Variants in KIF18B observed in about 807,000 individuals in gnomAD.
KIF18B encodes kinesin family member 18B, also known as kinesin-like protein KIF18B.
Under a neutral mutation model 80.9 loss-of-function variants are expected in KIF18B, and 49 were observed. The observed-to-expected ratio is 0.61, with a 90% CI of 0.48 to 0.77. The LOEUF (loss-of-function observed/expected upper bound fraction) is 0.77, where lower values mean the gene tolerates loss of function less well. Ranked by LOEUF, KIF18B falls within the 30% of genes least tolerant of loss-of-function variation. The pLI is 0.00. For missense variants in KIF18B, 994 were observed against 1,127.7 expected (o/e 0.88, Z 1.70); for synonymous variants, 439 against 463.9 (o/e 0.95, Z 0.69).
rs114457550 is a variant in KIF18B, at chr17:44,946,698, C to G, written c.-15+930G>C. On this transcript the variant is annotated intron_variant, in intron 1 of 15. Transcript: ENST00000593135. ...ATCCCTTAAGTTCTGTGGCACAGAC[C>G]AGGCTTAATCTTTTCCATGTCACTT... Among the ~76,000 whole-genome samples the G allele has an allele frequency of 4.5e-3, 685 of 152,262 alleles. 5 individuals are homozygous for G. The highest frequency in any genetic ancestry group is 0.016 in the African/African-American group (653 of 41,530).
chr17:44,933,848 C>T, intron 7 of KIF18B, 75 bp downstream of exon 7: 1 of 1,375,740 alleles, frequency 7.3e-7, no homozygotes, highest in Admixed American at 2.3e-5. Context: ...TCTATTGGAG[C>T]TGCCTGGGTC....
Position 44,934,543 on chromosome 17 carries a change from G to A in KIF18B, c.651C>T (p.Ala217=). The A allele has an allele frequency of 6.2e-7, 1 of 1,612,992 alleles. No individual in the cohort carries two copies. The highest frequency in any genetic ancestry group is 2.2e-5 in the East Asian group (1 of 44,870). Reference sequence around the variant, plus strand: ...CATGGGAGCGGGAGGAAGTCGCGTTGGCATCAGTGGGGTGCTGCGTGCGGT... The same window carrying A: ...CATGGGAGCGGGAGGAAGTCGCGTTAGCATCAGTGGGGTGCTGCGTGCGGT... ...NRNRTQHPTD[A]NATSSRSHAI... Residue 217 remains alanine (A), a synonymous_variant, in exon 5 of 16, where the codon GCC becomes GCT. Coordinates refer to ENST00000593135, the MANE Select transcript of KIF18B (RefSeq NM_001265577.2). This position sits in a 1 kb window ranked among gnomAD's most constrained non-coding sequence, Gnocchi z 5.4.
chr17:44,939,366 C>CAAAAAAAAAAAAAAAAAAAAAA (rs781348504), intron 1 of KIF18B, among the ~76,000 whole-genome samples: 2 of 36,950 alleles, frequency 5.4e-5, no homozygotes, highest in Non-Finnish European at 9.6e-5. Flanking sequence ...GACTCCATCT[C>CAAAAAAAAAAAAAAAAAAAAAA]AAAAAAAAAA....
At chr17:44,941,307 T>G (rs896446268) in intron 1 of KIF18B, among the ~76,000 whole-genome samples, 4 of 152,100 alleles carry the variant, frequency 2.6e-5, no homozygotes, top group Admixed American at 6.6e-5. Flanking sequence ...TTCTACACTT[T>G]CAAATATATG....
chr17:44,929,250 G>A (rs185860819), intron 11 of KIF18B, among the ~76,000 whole-genome samples: 1 of 152,230 alleles, frequency 6.6e-6, no homozygotes, highest in East Asian at 1.9e-4. Context: ...GGATGGCCAC[G>A]GGTAATGGTG....
Position 44,926,982 on chromosome 17 carries a change from A to T in KIF18B, c.2366+7T>A. 6.2e-7 allele frequency: 1 copy of T among 1,604,250 alleles called. No homozygotes were observed. The highest frequency in any genetic ancestry group is 8.5e-7 in the Non-Finnish European group (1 of 1,175,326). ...CTCCCAGACAGCTGACACCTCCCAA[A>T]CCTCACCTCGCAACGCGCTTCTTCT... On this transcript the variant is annotated splice_region_variant and intron_variant, in intron 14 of 15. Transcript: ENST00000593135.
chr17:44,936,977 C>T (rs2052324988), intron 1 of KIF18B, among the ~76,000 whole-genome samples: 1 of 151,002 alleles, frequency 6.6e-6, no homozygotes, highest in South Asian at 2.1e-4. Flanking sequence ...TCTTACTGGG[C>T]TTTCTAGTAT....
At position 44,926,093 on chromosome 17, in the gene KIF18B, G is replaced by A; in HGVS notation, c.2546C>T (p.Thr849Ile). Reference protein sequence around the residue: ...GRALSAGNGVTKVS With the variant: ...GRALSAGNGVIKVS ...ACATTCTGGCGGTCAGGACACCTTG[G>A]TGACGCCGTTCCCTGCTGAGAGTGC... Residue 849 changes from threonine (T) to isoleucine (I), a missense_variant, in exon 16 of 16, where the codon ACC becomes ATC. Physicochemically the swap from Thr to Ile is moderately conservative, Grantham distance 89 (BLOSUM62 -1). Coordinates refer to ENST00000593135, the MANE Select transcript of KIF18B (RefSeq NM_001265577.2). 1 of 1,613,906 alleles carries A rather than the reference G, an allele frequency of 6.2e-7. No individual in the cohort carries two copies. The highest frequency in any genetic ancestry group is 1.6e-4 in the Middle Eastern group (1 of 6,062).
Position 44,927,120 on chromosome 17 carries a change from C to G in KIF18B, c.2277-42G>C. 1.3e-6 allele frequency: 2 copies of G among 1,499,992 alleles called. No individual in the cohort carries two copies. Among genetic ancestry groups the G allele is most frequent in the Non-Finnish European group, 1.8e-6 (2 of 1,102,990 alleles). The allele number at this position is 1,499,992 out of a possible 1,614,324, so 92.9% of individuals were successfully genotyped here. On this transcript the variant is annotated intron_variant, in intron 13 of 15. Transcript: ENST00000593135. The surrounding 1 kb of genome is among the most constrained non-coding windows in gnomAD (Gnocchi z 4.1). ...GGGAAGGAGGCTGATCAGCAGGGAA[C>G]CGGAAGCAAGGCCAGCCACTTCCTC...
At position 44,927,837 on chromosome 17, in the gene KIF18B, C is replaced by A. The variant is rs1196673115; in HGVS notation, c.2276+189G>T. ...GCAGCATGGACAGACCAGGCAGGGG[C>A]CCCAGGAGAAGTGACACCTCCCTGG... On this transcript the variant is annotated intron_variant, in intron 13 of 15. Transcript: ENST00000593135. This position sits in a 1 kb window ranked among gnomAD's most constrained non-coding sequence, Gnocchi z 4.1. Among the ~76,000 whole-genome samples the A allele has an allele frequency of 6.6e-6, 1 of 152,212 alleles. No homozygotes were observed. Among genetic ancestry groups the A allele is most frequent in the African/African-American group, 2.4e-5 (1 of 41,454 alleles).
intron 1 of KIF18B, among the ~76,000 whole-genome samples, chr17:44,942,296 G>A (rs1028743524): frequency 6.6e-6 from 1 of 152,212 alleles, no homozygotes; most frequent in African/African-American, 2.4e-5. Context: ...CTAACCCAGG[G>A]CAGCTCATTA....
In KIF18B at chr17:44,926,999, G is replaced by A. The variant is rs748523527; in HGVS notation, c.2356C>T (p.Arg786Cys). The change falls in exon 14 of 16, where the codon CGC becomes TGC. Residue 786 changes from arginine to cysteine, a missense_variant. Transcript: ENST00000593135. ...LPGTSACKKK[R>C]VASSSVSHGR... Reference sequence around the variant, plus strand: ...CCTCCCAAACCTCACCTCGCAACGCGCTTCTTCTTGCAGGCAGAGGTCCCA... The same window carrying A: ...CCTCCCAAACCTCACCTCGCAACGCACTTCTTCTTGCAGGCAGAGGTCCCA... 1.1e-5 allele frequency: 17 copies of A among 1,610,528 alleles called. No individual in the cohort carries two copies. Among genetic ancestry groups the A allele is most frequent in the East Asian group, 8.9e-5 (4 of 44,834 alleles).
At chr17:44,926,725 T>C (rs1290163619) in intron 14 of KIF18B, among the ~76,000 whole-genome samples, 1 of 151,956 alleles carries the variant, frequency 6.6e-6, no homozygotes, top group Non-Finnish European at 1.5e-5. Context: ...CTTTGCTGGA[T>C]TAATGGTGTG....
At position 44,935,307 on chromosome 17, in the gene KIF18B, C is replaced by T. The variant is rs1384649361; in HGVS notation, c.423G>A (p.Glu141=). 1 of 1,612,088 alleles carries T rather than the reference C, an allele frequency of 6.2e-7. No homozygotes were observed. Among genetic ancestry groups the T allele is most frequent in the Non-Finnish European group, 8.5e-7 (1 of 1,178,834 alleles). The part of the protein sequence containing the change: ...LTTVELYRRL[E]ARQQEKHFEV... ...CGAAGTGCTTCTCCTGCTGGCGGGCCTCCAGGCGCCTGTACAGTTCCACGG... is the reference window on the plus strand; with the variant it reads ...CGAAGTGCTTCTCCTGCTGGCGGGCTTCCAGGCGCCTGTACAGTTCCACGG... The change falls in exon 3 of 16, where the codon GAG becomes GAA. Residue 141 remains glutamate, a synonymous_variant. Coordinates refer to ENST00000593135, the MANE Select transcript of KIF18B (RefSeq NM_001265577.2).
chr17:44,941,782 G>A (rs1384193939), intron 1 of KIF18B, among the ~76,000 whole-genome samples: 1 of 152,096 alleles, frequency 6.6e-6, no homozygotes, highest in African/African-American at 2.4e-5. Context: ...CCATGGGGAG[G>A]GCTTTAGCTG....
chr17:44,927,090 G>T lies in KIF18B; in HGVS notation c.2277-12C>A. On this transcript the variant is annotated splice_polypyrimidine_tract_variant and intron_variant, in intron 13 of 15. Coordinates refer to ENST00000593135, the MANE Select transcript of KIF18B (RefSeq NM_001265577.2). The surrounding 1 kb of genome is among the most constrained non-coding windows in gnomAD (Gnocchi z 4.1). ...GGGGCACAGGTGCCCTGGGGAGGGA[G>T]GACAGGGAAGGAGGCTGATCAGCAG... 6.3e-7 allele frequency: 1 copy of T among 1,593,684 alleles called. No homozygotes were observed. Among genetic ancestry groups the T allele is most frequent in the Non-Finnish European group, 8.6e-7 (1 of 1,167,672 alleles).
At chr17:44,935,836 C>T (rs772940942) in intron 2 of KIF18B, among the ~76,000 whole-genome samples, 196 bp downstream of exon 2, 22 of 152,152 alleles carry the variant, frequency 1.4e-4, no homozygotes, top group Admixed American at 9.8e-4. Flanking sequence ...AGTCCTGGGC[C>T]CAGTAGAGTG....
chr17:44,924,889 C>T lies in KIF18B; in HGVS notation c.*1191G>A, dbSNP rs2051993413. The T allele has an allele frequency of 6.6e-6, 1 of 152,012 alleles. No individual in the cohort carries two copies. Among genetic ancestry groups the T allele is most frequent in the African/African-American group, 2.4e-5 (1 of 41,350 alleles). 9.4% of individuals were successfully genotyped at this position (152,012 alleles called of 1,614,324 possible). On this transcript the variant is annotated 3_prime_UTR_variant, in exon 16 of 16. Coordinates refer to ENST00000593135, the MANE Select transcript of KIF18B (RefSeq NM_001265577.2). Reference sequence around the variant, plus strand: ...TTACACTGAACGTGTATCCTATGTACAATAGAGTTAAGCAATAAAGCTGTC... The same window carrying T: ...TTACACTGAACGTGTATCCTATGTATAATAGAGTTAAGCAATAAAGCTGTC...
At chr17:44,946,578 C>T (rs1233949045) in intron 1 of KIF18B, among the ~76,000 whole-genome samples, 6 of 152,122 alleles carry the variant, frequency 3.9e-5, no homozygotes, top group African/African-American at 1.4e-4. Context: ...TCATTCAAAC[C>T]CGGTAAGTGC....
Sources: allele counts gnomAD v4.1 joint callset (sites outside exome capture counted in the v4.1 genomes callset), GRCh38; gene constraint gnomAD v4.1.1; non-coding constraint Gnocchi (gnomAD v3.1); transcripts MANE v1.5; gene names NCBI Gene and HGNC (gene_info 2026-07-23, HGNC 2026-07-21).